Variants in CDH13 observed in about 807,000 individuals in gnomAD.
CDH13 encodes the protein cadherin-13.
Under a neutral mutation model 63.8 loss-of-function variants are expected in CDH13, and 24 were observed. That is an observed-to-expected ratio of 0.38 (90% CI 0.27 to 0.53). CDH13 has a LOEUF of 0.53. Ranked by LOEUF, CDH13 falls within the 20% of genes least tolerant of loss-of-function variation. CDH13 has a pLI of 0.85. For synonymous variants in CDH13, 503 were observed against 355.3 expected (o/e 1.42, Z -4.67); for missense variants, 1,049 against 903.1 (o/e 1.16, Z -2.07).
intron 5 of CDH13, among the ~76,000 whole-genome samples, chr16:83,270,234 T>C (rs763937230): frequency 3.9e-5 from 6 of 152,210 alleles, no homozygotes; most frequent in Non-Finnish European, 8.8e-5. Context: ...GAGTGTTTGA[T>C]GACTCTCTTA....
chr16:83,313,554 G>T (rs1005148120), intron 5 of CDH13, among the ~76,000 whole-genome samples: 1 of 149,814 alleles, frequency 6.7e-6, no homozygotes, highest in African/African-American at 2.5e-5. Flanking sequence ...TCAACCCAAA[G>T]TTGAAGGGCC....
At chr16:82,816,524 G>A (rs1160732412) in intron 1 of CDH13, among the ~76,000 whole-genome samples, 2 of 152,074 alleles carry the variant, frequency 1.3e-5, no homozygotes, top group Non-Finnish European at 2.9e-5. Flanking sequence ...AGGCCTCACT[G>A]AGGCATCAAC....
chr16:82,912,251 G>A (rs1597198437), intron 2 of CDH13, among the ~76,000 whole-genome samples: 1 of 30,698 alleles, frequency 3.3e-5, no homozygotes, highest in East Asian at 1.0e-3. Flanking sequence ...ACTATTTAGT[G>A]AATTCATCAT....
At chr16:83,458,440 C>T in intron 6 of CDH13, among the ~76,000 whole-genome samples, 1 of 152,248 alleles carries the variant, frequency 6.6e-6, no homozygotes, top group East Asian at 1.9e-4. Context: ...CTTATATTTT[C>T]CTTTCCTTAA....
Position 82,887,880 on chromosome 16 carries a change from C to T in CDH13, c.157+29407C>T, listed in dbSNP as rs147135035. Among the ~76,000 whole-genome samples the T allele has an allele frequency of 1.2e-3, 180 of 152,076 alleles. 1 individual carries two copies. The East Asian group carries it at 0.028, about 24-fold the overall frequency. ...GGTTTTTTTTTCCAGCAGGTGAACC[C>T]AGCCTCCCTAGCAACCCAAGGTTAA... On this transcript the variant is annotated intron_variant, in intron 2 of 13. Coordinates refer to ENST00000567109, the MANE Select transcript of CDH13 (RefSeq NM_001257.5).
At chr16:83,440,135 G>A (rs1039122698) in intron 6 of CDH13, among the ~76,000 whole-genome samples, 6 of 152,214 alleles carry the variant, frequency 3.9e-5, no homozygotes, top group Admixed American at 1.3e-4. Context: ...GCTTGTTGGG[G>A]ATGGAGAAAA....
intron 3 of CDH13, among the ~76,000 whole-genome samples, chr16:83,113,493 C>T (rs944322290): frequency 1.3e-5 from 2 of 152,194 alleles, no homozygotes; most frequent in South Asian, 2.1e-4. Context: ...TGCTAGGCAC[C>T]AGGGGGCGTA....
rs556186736 is a variant in CDH13, at chr16:83,577,510, C to T, written c.961-24944C>T. 5.3e-5 allele frequency among the ~76,000 whole-genome samples: 8 copies of T among 152,348 alleles called. No homozygotes were observed. In the South Asian group the frequency reaches 1.4e-3, roughly 28 times the overall value. The stretch of plus-strand genomic sequence containing the variant: ...TGAGGGGTCTGCATTCTTTATTTAA[C>T]ACCTTCTTTCTGTTGCAATATGAGG... On this transcript the variant is annotated intron_variant, in intron 7 of 13. Transcript: ENST00000567109.
chr16:83,384,435 C>A (rs1597885688), intron 6 of CDH13, among the ~76,000 whole-genome samples: 1 of 152,256 alleles, frequency 6.6e-6, no homozygotes, highest in Non-Finnish European at 1.5e-5. Flanking sequence ...ATGGACAGAA[C>A]AATAGGGTCA....
intron 6 of CDH13, 25 bp downstream of exon 6, chr16:83,345,031 G>A (rs779668198): frequency 6.2e-7 from 1 of 1,610,002 alleles, no homozygotes; most frequent in African/African-American, 1.3e-5. Flanking sequence ...CTTACCTTTA[G>A]CGTAATGGCT....
chr16:83,267,762 C>G (rs79489133), intron 5 of CDH13, among the ~76,000 whole-genome samples: 2,755 of 152,208 alleles, frequency 0.018, 92 homozygotes, highest in African/African-American at 0.061. Flanking sequence ...GGACCATGAG[C>G]CAAATAATTT....
chr16:83,289,708 T>C (rs1431515107), intron 5 of CDH13, among the ~76,000 whole-genome samples: 1 of 152,192 alleles, frequency 6.6e-6, no homozygotes, highest in Non-Finnish European at 1.5e-5. Context: ...TGGGCTTGGG[T>C]ACGTGGTTTA....
chr16:83,557,898 T>C (rs1033183332), intron 7 of CDH13, among the ~76,000 whole-genome samples: 2 of 152,034 alleles, frequency 1.3e-5, no homozygotes, highest in African/African-American at 4.8e-5. Flanking sequence ...ATAAAAACAA[T>C]ATAAAAGAGA....
At chr16:83,291,087 C>T (rs2089455460) in intron 5 of CDH13, among the ~76,000 whole-genome samples, 1 of 152,120 alleles carries the variant, frequency 6.6e-6, no homozygotes, top group South Asian at 2.1e-4. Flanking sequence ...TATGAGACTA[C>T]CCGTTGTTCA....
At chr16:83,419,035 C>A (rs1463115520) in intron 6 of CDH13, among the ~76,000 whole-genome samples, 1 of 152,114 alleles carries the variant, frequency 6.6e-6, no homozygotes, top group Non-Finnish European at 1.5e-5. Context: ...TTTTCTCAAA[C>A]AGCCAAGCAG....
chr16:83,370,091 A>T (rs115239553), intron 6 of CDH13, among the ~76,000 whole-genome samples: 2,441 of 152,208 alleles, frequency 0.016, 72 homozygotes, highest in African/African-American at 0.056. Context: ...TTTTTATTAA[A>T]ACTTTCATAT....
At chr16:83,448,074 G>T (rs749868097) in intron 6 of CDH13, among the ~76,000 whole-genome samples, 1 of 152,152 alleles carries the variant, frequency 6.6e-6, no homozygotes, top group Non-Finnish European at 1.5e-5. Flanking sequence ...CTGAGATAGG[G>T]GTAAATATGG....
chr16:83,001,277 A>G (rs1441745331), intron 2 of CDH13, among the ~76,000 whole-genome samples: 1 of 152,354 alleles, frequency 6.6e-6, no homozygotes, highest in South Asian at 2.1e-4. Context: ...TGCAATTGAG[A>G]ATGCATTTCT....
intron 1 of CDH13, among the ~76,000 whole-genome samples, chr16:82,742,327 C>G (rs1460184065): frequency 6.6e-6 from 1 of 151,618 alleles, no homozygotes; most frequent in Non-Finnish European, 1.5e-5. Flanking sequence ...TTTCTTTTTG[C>G]CTTTCTCTAG....
Sources: gnomAD v4.1 joint callset for allele counts (sites outside exome capture counted in the v4.1 genomes callset) on GRCh38, gnomAD v4.1.1 for gene constraint, MANE v1.5 for transcripts, NCBI Gene and HGNC (gene_info 2026-07-23, HGNC 2026-07-21) for gene names.